The following PHF24 variants were observed in gnomAD, a reference collection of about 807,000 sequenced individuals.
PHF24 encodes the protein Galpha inhibitory interacting protein.
A neutral mutation model predicts 42.6 loss-of-function variants in PHF24; 25 were observed. The observed-to-expected ratio is 0.59, with a 90% confidence interval of 0.43 to 0.82. PHF24 has a LOEUF of 0.82. Ranked by LOEUF, PHF24 falls within the 40% of genes least tolerant of loss-of-function variation. PHF24 has a pLI of 0.00. For missense variants in PHF24, 470 were observed against 538.1 expected (o/e 0.87, Z 1.25); for synonymous variants, 185 against 204.8 (o/e 0.90, Z 0.83).
At chr9:34,807,646 T>C in the PHF24 span, among the ~76,000 whole-genome samples, 1 of 152,196 alleles carries the variant, frequency 6.6e-6, no homozygotes, top group African/African-American at 2.4e-5. Context: ...AAGTCAGTAT[T>C]CACAGGTGGC....
At chr9:34,896,908 C>T in the PHF24 span, among the ~76,000 whole-genome samples, 1 of 152,134 alleles carries the variant, frequency 6.6e-6, no homozygotes, top group East Asian at 1.9e-4. Context: ...GTAATCCCAG[C>T]ACTTTGGGAA....
At chr9:34,869,875 A>G in the PHF24 span, among the ~76,000 whole-genome samples, 1 of 152,066 alleles carries the variant, frequency 6.6e-6, no homozygotes, top group Non-Finnish European at 1.5e-5. Context: ...CTGACTTTTC[A>G]TCCTTGTTAG....
At chr9:34,891,720 G>A in the PHF24 span, among the ~76,000 whole-genome samples, 1 of 152,178 alleles carries the variant, frequency 6.6e-6, no homozygotes, top group South Asian at 2.1e-4. Flanking sequence ...GACTGAAATG[G>A]ACTTCCCCAA....
chr9:34,909,663 C>T, the PHF24 span, among the ~76,000 whole-genome samples: 11 of 151,902 alleles, frequency 7.2e-5, no homozygotes, highest in East Asian at 2.1e-3. Context: ...GCTCTGTCGC[C>T]CAGGCTGGAG....
chr9:34,795,884 G>C, the PHF24 span, among the ~76,000 whole-genome samples: 1 of 151,936 alleles, frequency 6.6e-6, no homozygotes. Context: ...TGTAGTCCTA[G>C]CTACCTGCTT....
At chr9:34,704,548 G>A in the PHF24 span, among the ~76,000 whole-genome samples, 1 of 151,990 alleles carries the variant, frequency 6.6e-6, no homozygotes, top group African/African-American at 2.4e-5. Context: ...TAAAAACATG[G>A]TATGGCCAGG....
chr9:34,972,838 C>G (rs978063412), intron 3 of PHF24, among the ~76,000 whole-genome samples: 6 of 148,566 alleles, frequency 4.0e-5, no homozygotes, highest in African/African-American at 1.5e-4. Flanking sequence ...CACTTAAACC[C>G]AGGAGGCGGA....
chr9:34,745,386 G>T, the PHF24 span, among the ~76,000 whole-genome samples: 3 of 152,144 alleles, frequency 2.0e-5, no homozygotes, highest in Non-Finnish European at 4.4e-5. Flanking sequence ...CTTCACTGGA[G>T]TGTGAGAAGT....
chr9:34,702,341 G>A, the PHF24 span, among the ~76,000 whole-genome samples: 1 of 152,296 alleles, frequency 6.6e-6, no homozygotes, highest in African/African-American at 2.4e-5. Flanking sequence ...CCCAGCAGGC[G>A]GAGGCTCACA....
At chr9:34,878,090 A>G in the PHF24 span, among the ~76,000 whole-genome samples, 17 of 152,184 alleles carry the variant, frequency 1.1e-4, no homozygotes, top group African/African-American at 4.1e-4. Context: ...TGGCTCCTCA[A>G]TTGTAACAAA....
chr9:34,807,883 G>A, the PHF24 span, among the ~76,000 whole-genome samples: 136 of 152,006 alleles, frequency 8.9e-4, no homozygotes, highest in South Asian at 2.5e-3. Flanking sequence ...GAAGCTTTAC[G>A]TGCACTGACA....
the PHF24 span, among the ~76,000 whole-genome samples, chr9:34,882,378 G>A: frequency 6.6e-6 from 1 of 152,130 alleles, no homozygotes; most frequent in African/African-American, 2.4e-5. Flanking sequence ...TCAGGCAGGA[G>A]AAAGAAATAA....
chr9:34,819,802 G>A, the PHF24 span, among the ~76,000 whole-genome samples: 1 of 152,118 alleles, frequency 6.6e-6, no homozygotes, highest in Non-Finnish European at 1.5e-5. Flanking sequence ...ATCTACAAAT[G>A]TTAATTATGT....
upstream of PHF24, among the ~76,000 whole-genome samples, chr9:34,955,321 C>CA (rs146827510): frequency 0.087 from 11,997 of 137,466 alleles, 530 homozygotes; most frequent in South Asian, 0.14. Context: ...CAAGAATATG[C>CA]AAAAAAAAAA....
the PHF24 span, among the ~76,000 whole-genome samples, chr9:34,921,849 G>C: frequency 6.6e-6 from 1 of 152,148 alleles, no homozygotes; most frequent in Admixed American, 6.5e-5. Context: ...CAATATGTAG[G>C]CAGTTTTCTT....
At chr9:34,875,161 C>G in the PHF24 span, among the ~76,000 whole-genome samples, 1 of 152,070 alleles carries the variant, frequency 6.6e-6, no homozygotes, top group African/African-American at 2.4e-5. Flanking sequence ...TCTGTGAGTT[C>G]AATTTATTTG....
the PHF24 span, among the ~76,000 whole-genome samples, chr9:34,825,035 A>G: frequency 0.57 from 86,368 of 150,658 alleles, 23,075 homozygotes; most frequent in Admixed American, 0.63. Flanking sequence ...TGGTTAACAT[A>G]AAGTTTAGGC....
At chr9:34,883,865 G>A in the PHF24 span, among the ~76,000 whole-genome samples, 1 of 152,196 alleles carries the variant, frequency 6.6e-6, no homozygotes, top group African/African-American at 2.4e-5. Flanking sequence ...CCATTACTGG[G>A]TATATACCCA....
chr9:34,841,165 A>G, the PHF24 span, among the ~76,000 whole-genome samples: 2 of 151,930 alleles, frequency 1.3e-5, no homozygotes, highest in African/African-American at 4.8e-5. Flanking sequence ...ACACCCGGCT[A>G]ATTTTTTGTA....
Sources: gnomAD v4.1 joint callset for allele counts (sites outside exome capture counted in the v4.1 genomes callset) on GRCh38, gnomAD v4.1.1 for gene constraint, MANE v1.5 for transcripts, NCBI Gene and HGNC (gene_info 2026-07-23, HGNC 2026-07-21) for gene names.